Variants in GPR158 observed in about 807,000 individuals in gnomAD.
GPR158 encodes the protein metabotropic glycine receptor.
GPR158 carries 30 observed loss-of-function variants against 78.2 expected under a neutral mutation model. The observed-to-expected ratio is 0.38, with a 90% confidence interval of 0.29 to 0.52. The LOEUF (loss-of-function observed/expected upper bound fraction) is 0.52, where lower values mean the gene tolerates loss of function less well. Among genes scored for constraint, GPR158 ranks in the 20% least tolerant of loss-of-function variants. The pLI is 0.83. For synonymous variants in GPR158, 581 were observed against 591.1 expected, an observed-to-expected ratio of 0.98 and a Z score of 0.25; for missense variants, 1,463 against 1,523.5, an observed-to-expected ratio of 0.96 and a Z score of 0.66.
rs779957314 is a variant in GPR158 at position 25,176,327 on chromosome 10, G to A, written c.902+5G>A. On this transcript the variant is annotated splice_donor_5th_base_variant and intron_variant, in intron 1 of 10. Coordinates refer to ENST00000376351, the MANE Select transcript of GPR158 (RefSeq NM_020752.3). This position sits in a 1 kb window ranked among gnomAD's most constrained non-coding sequence, Gnocchi z 6.3. ...TAACCTGGTCCCGGAATTCAGGTAG[G>A]GAGGGCCGGGGGGCAGGGGGGAAGG... The A allele has an allele frequency of 4.3e-5, 67 of 1,566,798 alleles. 1 individual carries two copies. The Middle Eastern group carries it at 6.9e-4, about 16-fold the overall frequency.
At chr10:25,396,054 TC>T in intron 3 of GPR158, 41 bp downstream of exon 3, 4 of 815,310 alleles carry the variant, frequency 4.9e-6, no homozygotes, top group Non-Finnish European at 8.3e-6. Context: ...TGTATATACA[TC>T]ATATATACTA....
intron 2 of GPR158, among the ~76,000 whole-genome samples, chr10:25,339,333 ATT>A (rs1395227409): frequency 6.6e-6 from 1 of 152,098 alleles, no homozygotes; most frequent in Non-Finnish European, 1.5e-5. Context: ...TATCTTTAAA[ATT>A]TTAATTTTCT....
intron 7 of GPR158, among the ~76,000 whole-genome samples, chr10:25,575,524 G>T: frequency 6.6e-6 from 1 of 151,998 alleles, no homozygotes; most frequent in East Asian, 1.9e-4. Context: ...AGACACTCCC[G>T]GATAGTGGAG....
intron 2 of GPR158, among the ~76,000 whole-genome samples, chr10:25,322,333 A>G (rs911455940): frequency 2.0e-5 from 3 of 151,820 alleles, no homozygotes; most frequent in African/African-American, 7.3e-5. Flanking sequence ...GTGAGCCGAG[A>G]TGGCGCCACT....
chr10:25,298,783 G>T (rs867889014), intron 2 of GPR158, among the ~76,000 whole-genome samples: 1 of 152,038 alleles, frequency 6.6e-6, no homozygotes, highest in Non-Finnish European at 1.5e-5. Context: ...TCCCTGCCTA[G>T]GCAGTTGAGC....
chr10:25,509,091 T>C (rs1836050545), intron 5 of GPR158, among the ~76,000 whole-genome samples: 1 of 152,202 alleles, frequency 6.6e-6, no homozygotes, highest in Non-Finnish European at 1.5e-5. Context: ...TAGGCTGTCC[T>C]GTGCATGGTA....
chr10:25,563,895 T>TTAGTG (rs1836892748), intron 6 of GPR158, among the ~76,000 whole-genome samples: 1 of 152,142 alleles, frequency 6.6e-6, no homozygotes. Flanking sequence ...ATCGTTTCTA[T>TTAGTG]TAGTGTCTTT....
At position 25,377,866 on chromosome 10, in the gene GPR158, T is replaced by C. The variant is rs552956735; in HGVS notation, c.1009-18045T>C. On this transcript the variant is annotated intron_variant, in intron 2 of 10. Coordinates refer to ENST00000376351, the MANE Select transcript of GPR158 (RefSeq NM_020752.3). ...TTGTGCATATTTTTATGTAGACATA[T>C]GTTTTCAATTGTCTTGGGTATATAT... Among the ~76,000 whole-genome samples, 18 of 152,236 alleles carry C rather than the reference T, an allele frequency of 1.2e-4. No homozygotes were observed. In the South Asian group the frequency reaches 3.3e-3, roughly 28 times the overall value.
chr10:25,544,702 G>A (rs542874959), intron 5 of GPR158, among the ~76,000 whole-genome samples: 1 of 151,972 alleles, frequency 6.6e-6, no homozygotes. Context: ...TAAAATATAT[G>A]TTTATATATA....
intron 7 of GPR158, among the ~76,000 whole-genome samples, chr10:25,586,723 G>A (rs576781852): frequency 3.7e-4 from 57 of 152,260 alleles, no homozygotes; most frequent in Middle Eastern, 3.4e-3. Flanking sequence ...CGGTATGCAT[G>A]AACCTTCTAA....
At chr10:25,241,372 C>CTCTTCTCTTCTCTTCTCTTCTCT (rs1554787300) in intron 2 of GPR158, among the ~76,000 whole-genome samples, 8 of 102,952 alleles carry the variant, frequency 7.8e-5, no homozygotes, top group African/African-American at 4.4e-4. Context: ...CTTTTCTTTT[C>CTCTTCTCTTCTCTTCTCTTCTCT]TCTCTTCTCT....
chr10:25,368,601 G>T (rs1833935761), intron 2 of GPR158, among the ~76,000 whole-genome samples: 1 of 151,828 alleles, frequency 6.6e-6, no homozygotes, highest in African/African-American at 2.4e-5. Flanking sequence ...TGGTGAGGTT[G>T]CAGAGAAAAA....
rs868591589 is a variant in GPR158 at position 25,601,334 on chromosome 10, A to G, written c.*2060A>G. 1 of 152,554 alleles carries G rather than the reference A, an allele frequency of 6.6e-6. No individual in the cohort carries two copies. The highest frequency in any genetic ancestry group is 2.4e-5 in the African/African-American group (1 of 41,418). The allele number at this position is 152,554 out of a possible 1,614,324, so 9.5% of individuals were successfully genotyped here. On this transcript the variant is annotated 3_prime_UTR_variant, in exon 11 of 11. Coordinates refer to ENST00000376351, the MANE Select transcript of GPR158 (RefSeq NM_020752.3). ...AGAAATTCTATTTTTGTGTCTTTAC[A>G]CCATTTATTTCTTTTATCTCTTCCT...
intron 2 of GPR158, among the ~76,000 whole-genome samples, chr10:25,293,772 G>A (rs1854473220): frequency 6.9e-6 from 1 of 145,828 alleles, no homozygotes; most frequent in Non-Finnish European, 1.5e-5. Flanking sequence ...CTGAGATGGA[G>A]TTTCACACTG....
intron 7 of GPR158, among the ~76,000 whole-genome samples, chr10:25,581,450 T>A (rs959255357): frequency 4.6e-5 from 7 of 152,206 alleles, no homozygotes; most frequent in Non-Finnish European, 8.8e-5. Context: ...CTACACATAC[T>A]TCTGAAAGCA....
Position 25,176,374 on chromosome 10 carries a change from G to A in GPR158, c.902+52G>A. ...AAGGCAAAAGCGAAGCTTTCCTTCC[G>A]GTCTTGTGGGTGGGTGCACGTGTGA... On this transcript the variant is annotated intron_variant, in intron 1 of 10. Coordinates refer to ENST00000376351, the MANE Select transcript of GPR158 (RefSeq NM_020752.3). The surrounding 1 kb of genome is among the most constrained non-coding windows in gnomAD (Gnocchi z 6.3). 2 of 1,358,360 alleles carry A rather than the reference G, an allele frequency of 1.5e-6. No homozygotes were observed. The highest frequency in any genetic ancestry group is 2.0e-6 in the Non-Finnish European group (2 of 998,502). The allele number at this position is 1,358,360 out of a possible 1,614,324, so 84.1% of individuals were successfully genotyped here. A position where few individuals can be genotyped will look rare whatever the true frequency, so the allele number is the denominator to read the frequency against.
At chr10:25,450,735 C>G (rs1835204995) in intron 4 of GPR158, among the ~76,000 whole-genome samples, 1 of 152,120 alleles carries the variant, frequency 6.6e-6, no homozygotes, top group Admixed American at 6.5e-5. Context: ...CCTTCTTCCC[C>G]TTCTTTGACT....
At position 25,518,058 on chromosome 10, in the gene GPR158, T is replaced by G. The variant is rs1320676958; in HGVS notation, c.1405-32918T>G. Reference sequence around the variant, plus strand: ...ATTGCCACAATTTCAGCTCCTGTTATTGGTCTATTCAGAGATTCAACTTCT... The same window carrying G: ...ATTGCCACAATTTCAGCTCCTGTTAGTGGTCTATTCAGAGATTCAACTTCT... On this transcript the variant is annotated intron_variant, in intron 5 of 10. Transcript: ENST00000376351. 6.2e-5 allele frequency among the ~76,000 whole-genome samples: 6 copies of G among 97,304 alleles called. No homozygotes were observed. In the East Asian group the frequency reaches 1.7e-3, roughly 28 times the overall value. The allele number at this position is 97,304 out of a possible 152,430, so 63.8% of individuals were successfully genotyped here.
At chr10:25,212,342 A>G (rs1853143296) in intron 1 of GPR158, among the ~76,000 whole-genome samples, 1 of 152,128 alleles carries the variant, frequency 6.6e-6, no homozygotes, top group Non-Finnish European at 1.5e-5. Context: ...GGGGTGTGCT[A>G]CACACTTTTG....
Sources: gnomAD v4.1 joint callset for allele counts (sites outside exome capture counted in the v4.1 genomes callset) on GRCh38, gnomAD v4.1.1 for gene constraint, Gnocchi (gnomAD v3.1) non-coding constraint, MANE v1.5 for transcripts, NCBI Gene and HGNC (gene_info 2026-07-23, HGNC 2026-07-21) for gene names.